The following PSD3 variants were observed in gnomAD, a reference collection of about 807,000 sequenced individuals.
PSD3 encodes the protein PH and SEC7 domain-containing protein 3.
A neutral mutation model predicts 105.5 loss-of-function variants in PSD3; 49 were observed. The observed-to-expected ratio is 0.46, with a 90% confidence interval of 0.37 to 0.59. The LOEUF (loss-of-function observed/expected upper bound fraction) is 0.59, where lower values mean the gene tolerates loss of function less well. Ranked by LOEUF, PSD3 falls within the 20% of genes least tolerant of loss-of-function variation. The pLI is 0.00. For synonymous variants in PSD3, 557 were observed against 457.8 expected (o/e 1.22, Z -2.77); for missense variants, 1,561 against 1,263.8 (o/e 1.24, Z -3.57).
chr8:19,031,640 A>G (rs1053449967), intron 1 of PSD3, among the ~76,000 whole-genome samples: 1 of 152,166 alleles, frequency 6.6e-6, no homozygotes, highest in Non-Finnish European at 1.5e-5. Flanking sequence ...TCTAATAAGG[A>G]GACTTAGGAT....
chr8:18,537,733 G>A (rs1799919810), intron 15 of PSD3, among the ~76,000 whole-genome samples: 1 of 151,820 alleles, frequency 6.6e-6, no homozygotes, highest in Non-Finnish European at 1.5e-5. Flanking sequence ...CTGGAGTGCA[G>A]TGGCATGATC....
chr8:18,584,746 G>A (rs1226211886), intron 12 of PSD3, among the ~76,000 whole-genome samples: 2 of 152,284 alleles, frequency 1.3e-5, no homozygotes, highest in East Asian at 3.9e-4. Context: ...GGCTATGTGG[G>A]CTTTCTTTAA....
intron 4 of PSD3, among the ~76,000 whole-genome samples, chr8:18,848,461 G>A (rs1423417043): frequency 6.6e-6 from 1 of 152,182 alleles, no homozygotes; most frequent in Non-Finnish European, 1.5e-5. Flanking sequence ...GGTGCCACAG[G>A]AAGAGATACT....
chr8:18,892,716 T>C (rs549304638), intron 2 of PSD3, among the ~76,000 whole-genome samples: 19 of 150,278 alleles, frequency 1.3e-4, no homozygotes, highest in Non-Finnish European at 2.5e-4. Context: ...TCTCTGCCTC[T>C]CAGGTTCAAG....
At chr8:18,770,979 G>A (rs891477835) in intron 8 of PSD3, among the ~76,000 whole-genome samples, 1 of 152,236 alleles carries the variant, frequency 6.6e-6, no homozygotes, top group Non-Finnish European at 1.5e-5. Context: ...AAAGGGGACA[G>A]AGTGGGAAGG....
At chr8:18,890,205 C>G (rs1024549924) in intron 2 of PSD3, among the ~76,000 whole-genome samples, 1 of 151,932 alleles carries the variant, frequency 6.6e-6, no homozygotes, top group African/African-American at 2.4e-5. Context: ...TGTAAAGTAA[C>G]TTTTCCTTCA....
intron 4 of PSD3, among the ~76,000 whole-genome samples, chr8:18,822,608 C>T (rs554829415): frequency 1.8e-4 from 28 of 152,224 alleles, no homozygotes; most frequent in Non-Finnish European, 3.7e-4. Flanking sequence ...CAGTCTCTGC[C>T]TCCTGACCTA....
At chr8:18,763,018 C>G (rs893875504) in intron 9 of PSD3, 2 of 750,874 alleles carry the variant, frequency 2.7e-6, no homozygotes, top group African/African-American at 3.6e-5. Context: ...TCTCCAATCC[C>G]ACAACACCTA....
chr8:18,580,042 T>C (rs943623351), intron 12 of PSD3, among the ~76,000 whole-genome samples: 2 of 152,228 alleles, frequency 1.3e-5, no homozygotes, highest in African/African-American at 4.8e-5. Flanking sequence ...GTTTTGAAAC[T>C]GGCATTAAAA....
chr8:18,774,557 A>T, intron 8 of PSD3: 1 of 320,928 alleles, frequency 3.1e-6, no homozygotes, highest in South Asian at 2.9e-5. Context: ...TCATGCCTAG[A>T]CCTCTTACTT....
chr8:18,643,600 A>T (rs2130807284), intron 10 of PSD3, among the ~76,000 whole-genome samples: 1 of 152,340 alleles, frequency 6.6e-6, no homozygotes, highest in East Asian at 1.9e-4. Flanking sequence ...AATAGGCAAG[A>T]AAAAAGAATG....
At chr8:18,637,285 G>C (rs920705206) in intron 10 of PSD3, among the ~76,000 whole-genome samples, 2 of 152,086 alleles carry the variant, frequency 1.3e-5, no homozygotes, top group Admixed American at 1.3e-4. Context: ...CTTCGTTATA[G>C]TCTGAATTCT....
rs147314976 is a variant in PSD3, at chr8:18,809,004, C to G, written c.1635-4106G>C. ...TCTAATAAAAACAGCAGCCAGAACA[C>G]AAGGGCCACTGTCTATCGAGAACGT... is the stretch of plus-strand genomic sequence containing the variant. On this transcript the variant is annotated intron_variant, in intron 4 of 15. Coordinates refer to ENST00000327040, the MANE Select transcript of PSD3 (RefSeq NM_015310.4). 497 of 1,176,276 alleles carry G rather than the reference C, an allele frequency of 4.2e-4. 2 individuals carry two copies. The African/African-American group carries it at 6.0e-3, about 14-fold the overall frequency. The allele number at this position is 1,176,276 out of a possible 1,614,324, so 72.9% of individuals were successfully genotyped here.
chr8:18,735,211 T>C (rs1393930885), intron 9 of PSD3, among the ~76,000 whole-genome samples: 1 of 152,062 alleles, frequency 6.6e-6, no homozygotes, highest in Non-Finnish European at 1.5e-5. Flanking sequence ...AAACACTTTA[T>C]AGAGATAAGA....
chr8:18,630,661 C>CTT (rs199993405), intron 11 of PSD3, among the ~76,000 whole-genome samples: 6 of 149,312 alleles, frequency 4.0e-5, no homozygotes, highest in African/African-American at 9.8e-5. Context: ...TGAAATTATT[C>CTT]TTTTTTTTTT....
chr8:18,982,721 G>A (rs1376056589), intron 1 of PSD3, among the ~76,000 whole-genome samples: 1 of 152,180 alleles, frequency 6.6e-6, no homozygotes, highest in Non-Finnish European at 1.5e-5. Context: ...TAAGCAGCAG[G>A]CCTCAACAGT....
intron 1 of PSD3, among the ~76,000 whole-genome samples, chr8:19,042,188 T>G (rs1828147075): frequency 6.6e-6 from 1 of 152,224 alleles, no homozygotes; most frequent in Non-Finnish European, 1.5e-5. Context: ...GAGTCCTACA[T>G]TGCACATATG....
intron 1 of PSD3, among the ~76,000 whole-genome samples, chr8:19,018,768 C>T: frequency 6.6e-6 from 1 of 152,150 alleles, no homozygotes; most frequent in East Asian, 1.9e-4. Context: ...TTTGACTACC[C>T]AAGTCTATCC....
chr8:18,866,953 G>C (rs1478215638), intron 4 of PSD3, among the ~76,000 whole-genome samples: 1 of 151,894 alleles, frequency 6.6e-6, no homozygotes, highest in Non-Finnish European at 1.5e-5. Flanking sequence ...GTCACAGGTA[G>C]ATAACCTGAG....
Sources: gnomAD v4.1 joint callset for allele counts (sites outside exome capture counted in the v4.1 genomes callset) on GRCh38, gnomAD v4.1.1 for gene constraint, MANE v1.5 for transcripts, NCBI Gene and HGNC (gene_info 2026-07-23, HGNC 2026-07-21) for gene names.